MACROD2: variants seen among roughly 807,000 people sequenced by gnomAD.
MACROD2 encodes the protein mono-ADP ribosylhydrolase 2, also known as ADP-ribose glycohydrolase MACROD2.
MACROD2 carries 36 observed loss-of-function variants against 70.4 expected under a neutral mutation model. The observed-to-expected ratio is 0.51, with a 90% confidence interval of 0.39 to 0.68. MACROD2 has a LOEUF of 0.68. Ranked by LOEUF, MACROD2 falls within the 30% of genes least tolerant of loss-of-function variation. The probability of loss-of-function intolerance (pLI) is 0.00; values close to 1 mark genes in which losing one functional copy is unlikely to be tolerated. For synonymous variants in MACROD2, 172 were observed against 178.8 expected, an observed-to-expected ratio of 0.96 and a Z score of 0.30; for missense variants, 496 against 538.4, an observed-to-expected ratio of 0.92 and a Z score of 0.78.
chr20:14,364,991 T>C (rs1381690035), intron 3 of MACROD2, among the ~76,000 whole-genome samples: 1 of 152,214 alleles, frequency 6.6e-6, no homozygotes, highest in African/African-American at 2.4e-5. Context: ...ATAGAATGAA[T>C]TAGGAAGTAT....
intron 5 of MACROD2, among the ~76,000 whole-genome samples, chr20:14,790,968 C>T (rs1407456085): frequency 6.6e-6 from 1 of 152,014 alleles, no homozygotes; most frequent in Non-Finnish European, 1.5e-5. Context: ...GGCAGAACAT[C>T]GACAGCTACC....
intron 4 of MACROD2, among the ~76,000 whole-genome samples, chr20:14,503,955 A>G (rs2084942816): frequency 6.6e-6 from 1 of 152,244 alleles, no homozygotes; most frequent in Admixed American, 6.5e-5. Context: ...TTGCTCTGTC[A>G]TTAGATTATC....
At chr20:14,165,597 A>G (rs1226002787) in intron 3 of MACROD2, among the ~76,000 whole-genome samples, 20 of 152,234 alleles carry the variant, frequency 1.3e-4, no homozygotes, top group Admixed American at 1.3e-3. Flanking sequence ...TGACATTCAA[A>G]TTATAAATCT....
At chr20:15,860,727 C>T (rs1277694926) in intron 8 of MACROD2, among the ~76,000 whole-genome samples, 1 of 152,192 alleles carries the variant, frequency 6.6e-6, no homozygotes, top group Non-Finnish European at 1.5e-5. Flanking sequence ...ATTAGGTCTT[C>T]AGTCAATTCC....
intron 3 of MACROD2, among the ~76,000 whole-genome samples, chr20:14,268,023 A>G (rs2082158065): frequency 6.6e-6 from 1 of 152,130 alleles, no homozygotes; most frequent in East Asian, 1.9e-4. Context: ...AACATTTCTT[A>G]TTATAAATAA....
intron 3 of MACROD2, among the ~76,000 whole-genome samples, chr20:14,318,032 A>G (rs919605280): frequency 6.6e-6 from 1 of 152,192 alleles, no homozygotes; most frequent in African/African-American, 2.4e-5. Context: ...CTTTTGTTTA[A>G]TCTAGCCTTT....
intron 3 of MACROD2, among the ~76,000 whole-genome samples, chr20:14,131,496 T>C (rs1477424348): frequency 2.0e-5 from 3 of 152,228 alleles, no homozygotes; most frequent in Non-Finnish European, 4.4e-5. Context: ...GGTACAATTG[T>C]CTGCAACATT....
chr20:15,260,008 T>C (rs561381570), intron 6 of MACROD2, among the ~76,000 whole-genome samples: 1 of 151,880 alleles, frequency 6.6e-6, no homozygotes, highest in Non-Finnish European at 1.5e-5. Flanking sequence ...AAATTATGGA[T>C]GCATAATAGT....
intron 10 of MACROD2, among the ~76,000 whole-genome samples, chr20:15,887,587 C>G (rs2064837703): frequency 6.6e-6 from 1 of 152,108 alleles, no homozygotes; most frequent in African/African-American, 2.4e-5. Flanking sequence ...TTCTCTGGAG[C>G]AGACCTCAAC....
At chr20:14,286,806 T>C (rs1357817798) in intron 3 of MACROD2, among the ~76,000 whole-genome samples, 1 of 152,162 alleles carries the variant, frequency 6.6e-6, no homozygotes, top group African/African-American at 2.4e-5. Flanking sequence ...AAAAGAAGTT[T>C]AAATTTCCTC....
At chr20:16,001,467 ATGT>A (rs1183532710) in intron 15 of MACROD2, among the ~76,000 whole-genome samples, 4 of 152,226 alleles carry the variant, frequency 2.6e-5, no homozygotes, top group East Asian at 1.9e-4. Flanking sequence ...TTCAAAGGAA[ATGT>A]TGTCGAGATG....
At chr20:14,805,026 G>A (rs1168671856) in intron 5 of MACROD2, among the ~76,000 whole-genome samples, 24 of 151,950 alleles carry the variant, frequency 1.6e-4, no homozygotes, top group Non-Finnish European at 5.9e-5. Context: ...GCTCTATGAA[G>A]TCTTTATGTG....
At chr20:15,067,956 A>G (rs2075590490) in intron 5 of MACROD2, among the ~76,000 whole-genome samples, 1 of 152,186 alleles carries the variant, frequency 6.6e-6, no homozygotes, top group Non-Finnish European at 1.5e-5. Flanking sequence ...ACCAGTAGTG[A>G]AGCTTATATT....
Position 14,228,172 on chromosome 20 carries a change from TAG to T in MACROD2, c.271+142465_271+142466del, listed in dbSNP as rs58319730. 6.4e-3 allele frequency among the ~76,000 whole-genome samples: 973 copies of T among 151,092 alleles called. 6 individuals are homozygous for T. The highest frequency in any genetic ancestry group is 9.3e-3 in the Admixed American group (141 of 15,190). ...ATATAGTTTTTTCTATGTATATATA[TAG>T]AGAGAGAGAGAGAGAGAGAGTGTGT... is the stretch of plus-strand genomic sequence containing the variant. On this transcript the variant is annotated intron_variant, in intron 3 of 17. Coordinates refer to ENST00000684519, the MANE Select transcript of MACROD2 (RefSeq NM_001351661.2).
chr20:14,256,120 C>T (rs943237511), intron 3 of MACROD2, among the ~76,000 whole-genome samples: 3 of 151,902 alleles, frequency 2.0e-5, no homozygotes, highest in Non-Finnish European at 2.9e-5. Context: ...TTTCTTTTTG[C>T]CTTTTTATGC....
intron 3 of MACROD2, among the ~76,000 whole-genome samples, chr20:14,230,631 T>TATATATATA (rs1569217269): frequency 1.1e-5 from 1 of 94,262 alleles, no homozygotes; most frequent in Non-Finnish European, 1.9e-5. Flanking sequence ...TCATTCATGT[T>TATATATATA]TATATATATA....
chr20:14,067,862 C>G (rs561803323), intron 2 of MACROD2, among the ~76,000 whole-genome samples: 1 of 152,298 alleles, frequency 6.6e-6, no homozygotes, highest in African/African-American at 2.4e-5. Flanking sequence ...TAGAATCAGA[C>G]TTCCATTGTT....
chr20:15,954,671 A>G (rs951892375), intron 12 of MACROD2, among the ~76,000 whole-genome samples: 2 of 152,174 alleles, frequency 1.3e-5, no homozygotes, highest in African/African-American at 4.8e-5. Flanking sequence ...TAACTTTTTT[A>G]AGACATTATG....
chr20:14,242,269 A>G (rs538877398), intron 3 of MACROD2, among the ~76,000 whole-genome samples: 4 of 152,280 alleles, frequency 2.6e-5, no homozygotes, highest in Non-Finnish European at 5.9e-5. Flanking sequence ...AAAATCACAG[A>G]CTTCACGTTA....
Sources: gnomAD v4.1 joint callset for allele counts (sites outside exome capture counted in the v4.1 genomes callset) on GRCh38, gnomAD v4.1.1 for gene constraint, MANE v1.5 for transcripts, NCBI Gene and HGNC (gene_info 2026-07-23, HGNC 2026-07-21) for gene names.